Variants in XPO6 observed in about 807,000 individuals in gnomAD.
The protein encoded by XPO6 is exportin-6.
XPO6 carries 3 observed loss-of-function variants against 130.0 expected under a neutral mutation model. The observed-to-expected ratio is 0.02, with a 90% CI of 0.01 to 0.06. The LOEUF (loss-of-function observed/expected upper bound fraction) is 0.06, where lower values mean the gene tolerates loss of function less well. Ranked by LOEUF, XPO6 falls within the 10% of genes least tolerant of loss-of-function variation. XPO6 has a pLI of 1.00. For missense variants in XPO6, 970 were observed against 1,393.0 expected (o/e 0.70, Z 4.83); for synonymous variants, 524 against 548.9 (o/e 0.95, Z 0.63).
At position 28,101,245 on chromosome 16, in the gene XPO6, T is replaced by C. The variant is rs2086649196; in HGVS notation, c.3276+213A>G. ...ACCTCCATGGCTGAGACTAAGAACA[T>C]ACGTGCTACAGACACCAAGACTGGG... On this transcript the variant is annotated intron_variant, in intron 23 of 23. Coordinates refer to ENST00000304658, the MANE Select transcript of XPO6 (RefSeq NM_015171.4). This position sits in a 1 kb window ranked among gnomAD's most constrained non-coding sequence, Gnocchi z 5.4. The C allele has an allele frequency of 4.7e-6, 3 of 635,606 alleles. No homozygotes were observed. The highest frequency in any genetic ancestry group is 1.7e-5 in the South Asian group (1 of 57,702). The allele number at this position is 635,606 out of a possible 1,614,324, so 39.4% of individuals were successfully genotyped here.
chr16:28,194,303 A>C (rs1239967870), intron 1 of XPO6, among the ~76,000 whole-genome samples: 1 of 152,162 alleles, frequency 6.6e-6, no homozygotes, highest in Non-Finnish European at 1.5e-5. Context: ...AAGAATGCCA[A>C]ATGCCTTTTC....
intron 8 of XPO6, among the ~76,000 whole-genome samples, chr16:28,150,386 AT>A (rs1369987793): frequency 6.6e-6 from 1 of 152,126 alleles, no homozygotes; most frequent in Admixed American, 6.5e-5. Flanking sequence ...ACCATTTTCA[AT>A]TCGATGACAC....
intron 20 of XPO6, among the ~76,000 whole-genome samples, chr16:28,105,291 G>T (rs921691148): frequency 6.6e-6 from 1 of 152,188 alleles, no homozygotes; most frequent in African/African-American, 2.4e-5. Flanking sequence ...TCTGAGAGGA[G>T]TTAGAGGAGA....
chr16:28,139,024 A>G (rs911407925), intron 9 of XPO6, among the ~76,000 whole-genome samples: 2 of 152,200 alleles, frequency 1.3e-5, no homozygotes, highest in Non-Finnish European at 2.9e-5. Flanking sequence ...AGGTTCCTCT[A>G]TGGTCTGAAT....
At chr16:28,142,192 C>G (rs944585371) in intron 9 of XPO6, among the ~76,000 whole-genome samples, 4 of 152,212 alleles carry the variant, frequency 2.6e-5, no homozygotes, top group African/African-American at 9.6e-5. Flanking sequence ...AAATATGATT[C>G]CAGAACATCC....
intron 7 of XPO6, chr16:28,154,133 C>T (rs2043142253): frequency 1.0e-6 from 1 of 984,988 alleles, no homozygotes; most frequent in Non-Finnish European, 1.2e-6. Flanking sequence ...CACTAATACT[C>T]AAGAGTAGGA....
chr16:28,177,714 C>T (rs2043554779), intron 2 of XPO6, among the ~76,000 whole-genome samples: 1 of 152,196 alleles, frequency 6.6e-6, no homozygotes, highest in African/African-American at 2.4e-5. Flanking sequence ...TAGGGCCTCG[C>T]CATTCCTCTA....
At chr16:28,182,401 G>A (rs1471157872) in intron 1 of XPO6, among the ~76,000 whole-genome samples, 1 of 152,102 alleles carries the variant, frequency 6.6e-6, no homozygotes, top group African/African-American at 2.4e-5. Context: ...ACACACACAA[G>A]TGCACTCACT....
intron 5 of XPO6, 38 bp downstream of exon 5, chr16:28,169,712 G>A: frequency 6.2e-7 from 1 of 1,607,504 alleles, no homozygotes; most frequent in Non-Finnish European, 8.5e-7. Context: ...GGTGCCTGCG[G>A]GCAGGCCTCT....
At chr16:28,118,866 C>T (rs1419841255) in intron 14 of XPO6, among the ~76,000 whole-genome samples, 1 of 152,296 alleles carries the variant, frequency 6.6e-6, no homozygotes, top group African/African-American at 2.4e-5. Flanking sequence ...CATCACCCCC[C>T]CAGACTTGAG....
intron 8 of XPO6, among the ~76,000 whole-genome samples, chr16:28,148,259 G>T (rs1047936108): frequency 6.6e-6 from 1 of 152,186 alleles, no homozygotes; most frequent in African/African-American, 2.4e-5. Flanking sequence ...AAGGCTGGGG[G>T]AAAGGTGAGC....
At chr16:28,109,752 AT>A (rs2086873837) in intron 17 of XPO6, among the ~76,000 whole-genome samples, 1 of 152,224 alleles carries the variant, frequency 6.6e-6, no homozygotes, top group Non-Finnish European at 1.5e-5. Context: ...TACATCCTGG[AT>A]TTTTTAAAAG....
In XPO6 at chr16:28,139,970, G is replaced by A. The variant is rs142630900; in HGVS notation, c.1335-4646C>T. On this transcript the variant is annotated intron_variant, in intron 9 of 23. Transcript: ENST00000304658. ...GTACAGGCTGGGCGCAGTGGCTCAC[G>A]CCTGTAATCCCAGCACTTTGGGAGG... Among the ~76,000 whole-genome samples the A allele has an allele frequency of 1.7e-3, 260 of 152,274 alleles. 2 individuals carry two copies. Among genetic ancestry groups the A allele is most frequent in the African/African-American group, 5.5e-3 (228 of 41,544 alleles).
At chr16:28,177,092 A>G in intron 3 of XPO6, 128 bp downstream of exon 3, 2 of 485,520 alleles carry the variant, frequency 4.1e-6, no homozygotes, top group Non-Finnish European at 7.3e-6. Context: ...TAAAGACAGT[A>G]TGTGGGACGA....
intron 17 of XPO6, among the ~76,000 whole-genome samples, chr16:28,110,655 G>C (rs1038024281): frequency 6.6e-5 from 10 of 152,238 alleles, no homozygotes; most frequent in African/African-American, 2.4e-4. Context: ...CTCCACAACA[G>C]CTGGATGCAA....
rs7499332 is a variant in XPO6, at chr16:28,211,242, G to T, written c.3+124C>A. 17,424 of 1,037,686 alleles carry T rather than the reference G, an allele frequency of 0.017. 1,800 individuals are homozygous for T. In the African/African-American group the frequency reaches 0.24, roughly 14 times the overall value. 64.3% of individuals were successfully genotyped at this position (1,037,686 alleles called of 1,614,324 possible). On this transcript the variant is annotated intron_variant, in intron 1 of 23. Coordinates refer to ENST00000304658, the MANE Select transcript of XPO6 (RefSeq NM_015171.4). ...CACACTCTGCACGCATGTGTCACCG[G>T]CCAGGCTCCGCACGCGCCTCTCCCC...
Position 28,211,520 on chromosome 16 carries a change from C to G in XPO6, c.-152G>C. On this transcript the variant is annotated 5_prime_UTR_variant, in exon 1 of 24. The change abolishes the stop of an existing upstream ORF in the 5' untranslated region. Transcript: ENST00000304658. The stretch of plus-strand genomic sequence containing the variant: ...CCCCACCGGGCCCCGAGGGGACCCT[C>G]TAAAAAGGGCAGGGCCGCCCGGGTC... The G allele has an allele frequency of 1.1e-6, 1 of 922,024 alleles. No individual in the cohort carries two copies. The highest frequency in any genetic ancestry group is 5.6e-5 in the South Asian group (1 of 17,988). 57.1% of individuals were successfully genotyped at this position (922,024 alleles called of 1,614,324 possible).
Position 28,156,065 on chromosome 16 carries a change from T to A in XPO6, c.1097+9A>T, listed in dbSNP as rs777398744. 6.3e-7 allele frequency: 1 copy of A among 1,582,896 alleles called. No individual in the cohort carries two copies. Among genetic ancestry groups the A allele is most frequent in the East Asian group, 2.2e-5 (1 of 44,662 alleles). ...TGGGGCACACCAGCTCCACACTTGG[T>A]TTCATTACCTCTCATCGAGCTCTTC... On this transcript the variant is annotated intron_variant, in intron 7 of 23. Coordinates refer to ENST00000304658, the MANE Select transcript of XPO6 (RefSeq NM_015171.4).
chr16:28,211,805 C>A lies in XPO6; in HGVS notation c.-437G>T, dbSNP rs566629436. 2 of 244,528 alleles carry A rather than the reference C, an allele frequency of 8.2e-6. No homozygotes were observed. The highest frequency in any genetic ancestry group is 2.3e-5 in the African/African-American group (1 of 43,932). The allele number at this position is 244,528 out of a possible 1,614,324, so 15.1% of individuals were successfully genotyped here. On this transcript the variant is annotated 5_prime_UTR_variant, in exon 1 of 24. Transcript: ENST00000304658. ...GCCTCGACCGCGCGGCCCAGGCGGC[C>A]GGCTCAGGGGAGAGGCCCGGGGGCC...
Sources: allele counts gnomAD v4.1 joint callset (sites outside exome capture counted in the v4.1 genomes callset), GRCh38; gene constraint gnomAD v4.1.1; non-coding constraint Gnocchi (gnomAD v3.1); transcripts MANE v1.5; gene names NCBI Gene and HGNC (gene_info 2026-07-23, HGNC 2026-07-21).